Variants in KCNIP1 observed in about 807,000 individuals in gnomAD.
KCNIP1 encodes the protein potassium voltage-gated channel interacting protein 1, also known as A-type potassium channel modulatory protein KCNIP1.
Under a neutral mutation model 33.0 loss-of-function variants are expected in KCNIP1, and 18 were observed. The observed-to-expected ratio is 0.55, with a 90% CI of 0.38 to 0.81. KCNIP1 has a LOEUF of 0.81. Ranked by LOEUF, KCNIP1 falls within the 30% of genes least tolerant of loss-of-function variation. The pLI is 0.00. For missense variants in KCNIP1, 238 were observed against 271.6 expected, an observed-to-expected ratio of 0.88 and a Z score of 0.87; for synonymous variants, 93 against 98.3, an observed-to-expected ratio of 0.95 and a Z score of 0.32.
intron 1 of KCNIP1, among the ~76,000 whole-genome samples, chr5:170,445,033 T>A (rs185994878): frequency 1.5e-3 from 231 of 152,310 alleles, no homozygotes; most frequent in Non-Finnish European, 1.5e-3. Context: ...TATTAATCCA[T>A]TTTTTCAATT....
At chr5:170,536,696 CCT>C (rs1755997825) in intron 1 of KCNIP1, among the ~76,000 whole-genome samples, 1 of 152,164 alleles carries the variant, frequency 6.6e-6, no homozygotes, top group Non-Finnish European at 1.5e-5. Context: ...CCCTGGGCTG[CCT>C]CTCTGTGATT....
chr5:170,687,366 G>C (rs1762574957), intron 1 of KCNIP1, among the ~76,000 whole-genome samples: 1 of 152,074 alleles, frequency 6.6e-6, no homozygotes, highest in Non-Finnish European at 1.5e-5. Flanking sequence ...ATTTTTGGTA[G>C]AGACAGGGTT....
chr5:170,417,915 G>A (rs1034710315), intron 1 of KCNIP1, among the ~76,000 whole-genome samples: 5 of 152,124 alleles, frequency 3.3e-5, no homozygotes, highest in South Asian at 4.1e-4. Flanking sequence ...CCCACTAGAC[G>A]TCTTCGTTTG....
intron 1 of KCNIP1, among the ~76,000 whole-genome samples, chr5:170,594,183 C>G (rs1197596850): frequency 1.3e-5 from 2 of 152,174 alleles, no homozygotes; most frequent in African/African-American, 4.8e-5. Flanking sequence ...GGGTATGAAG[C>G]ACCGTAGGAG....
intron 1 of KCNIP1, among the ~76,000 whole-genome samples, chr5:170,461,417 A>AGT (rs1756497968): frequency 6.6e-6 from 1 of 152,194 alleles, no homozygotes; most frequent in Non-Finnish European, 1.5e-5. Flanking sequence ...ACTATACTAT[A>AGT]AGGCCATAGT....
At chr5:170,698,325 A>G (rs1297783696) in intron 1 of KCNIP1, among the ~76,000 whole-genome samples, 3 of 152,162 alleles carry the variant, frequency 2.0e-5, no homozygotes, top group African/African-American at 7.2e-5. Context: ...TGGGATCTTA[A>G]CCCAGTTCTA....
intron 1 of KCNIP1, among the ~76,000 whole-genome samples, chr5:170,381,966 C>T (rs3804244): frequency 0.17 from 25,386 of 152,068 alleles, 2,379 homozygotes; most frequent in South Asian, 0.28. Flanking sequence ...CCATCCTGCA[C>T]TGCCCAGACC....
At chr5:170,426,748 A>G (rs986559731) in intron 1 of KCNIP1, among the ~76,000 whole-genome samples, 1 of 152,270 alleles carries the variant, frequency 6.6e-6, no homozygotes, top group African/African-American at 2.4e-5. Context: ...TCACTGCAGC[A>G]GCCAAGAAAG....
chr5:170,689,555 A>G (rs754623583), intron 1 of KCNIP1, among the ~76,000 whole-genome samples: 2 of 152,232 alleles, frequency 1.3e-5, no homozygotes, highest in Non-Finnish European at 2.9e-5. Flanking sequence ...AACAGAAGAA[A>G]CCAGGACTAC....
At chr5:170,631,142 T>C (rs1195508612) in intron 1 of KCNIP1, among the ~76,000 whole-genome samples, 1 of 152,160 alleles carries the variant, frequency 6.6e-6, no homozygotes, top group Non-Finnish European at 1.5e-5. Context: ...CACAAAACAA[T>C]GGCTGCGAAA....
chr5:170,355,673 G>C (rs1263730134), intron 1 of KCNIP1, among the ~76,000 whole-genome samples: 1 of 152,222 alleles, frequency 6.6e-6, no homozygotes, highest in Non-Finnish European at 1.5e-5. Flanking sequence ...GAGAAGGTGG[G>C]AGGAAGCCGA....
chr5:170,508,066 G>A (rs939550119), intron 1 of KCNIP1, among the ~76,000 whole-genome samples: 4 of 152,190 alleles, frequency 2.6e-5, no homozygotes, highest in African/African-American at 9.7e-5. Flanking sequence ...TGCAGCTGCT[G>A]GGCTTGTCAG....
chr5:170,554,764 T>G (rs1481277705), intron 1 of KCNIP1, among the ~76,000 whole-genome samples: 1 of 152,178 alleles, frequency 6.6e-6, no homozygotes, highest in Non-Finnish European at 1.5e-5. Flanking sequence ...GTTTATCGGT[T>G]CTCTTCCTGT....
chr5:170,609,546 G>T (rs1028745625), intron 1 of KCNIP1, among the ~76,000 whole-genome samples: 1 of 151,942 alleles, frequency 6.6e-6, no homozygotes, highest in Non-Finnish European at 1.5e-5. Context: ...AATTTTTTTA[G>T]AGTACTAGTT....
chr5:170,504,773 G>C lies in KCNIP1; in HGVS notation c.61+140G>C, dbSNP rs1414202597. 1.4e-6 allele frequency: 1 copy of C among 730,724 alleles called. No individual in the cohort carries two copies. Among genetic ancestry groups the C allele is most frequent in the East Asian group, 2.7e-5 (1 of 37,372 alleles). 45.3% of individuals were successfully genotyped at this position (730,724 alleles called of 1,614,324 possible). A position where few individuals can be genotyped will look rare whatever the true frequency, so the allele number is the denominator to read the frequency against. On this transcript the variant is annotated intron_variant, in intron 1 of 7. Coordinates refer to ENST00000328939, the MANE Select transcript of KCNIP1 (RefSeq NM_014592.4). This position sits in a 1 kb window ranked among gnomAD's most constrained non-coding sequence, Gnocchi z 6.0. ...GACAGGTGCTTGTATCCAAAGGAGA[G>C]AGAAATCGGCGGGAGGGCTGGTGTG...
intron 1 of KCNIP1, among the ~76,000 whole-genome samples, chr5:170,592,243 T>A (rs111777263): frequency 6.6e-6 from 1 of 152,214 alleles, no homozygotes; most frequent in Non-Finnish European, 1.5e-5. Context: ...GTGCATCTTT[T>A]CATGTTCTTA....
Position 170,703,070 on chromosome 5 carries a change from A to ACACAC in KCNIP1, c.62-15687_62-15683dup, listed in dbSNP as rs1482842015. Among the ~76,000 whole-genome samples the ACACAC allele has an allele frequency of 9.4e-5, 13 of 137,866 alleles. 2 individuals are homozygous for ACACAC. Among genetic ancestry groups the ACACAC allele is most frequent in the African/African-American group, 3.5e-4 (13 of 37,582 alleles). 90.4% of individuals were successfully genotyped at this position (137,866 alleles called of 152,430 possible). ...AACCTATAGGTCTGTTCCATTCTCG[A>ACACAC]CACACGTGATATTAGCAGCACGGTA... On this transcript the variant is annotated intron_variant, in intron 1 of 7. Coordinates refer to ENST00000328939, the MANE Select transcript of KCNIP1 (RefSeq NM_014592.4).
chr5:170,561,126 A>T (rs1412595166), intron 1 of KCNIP1: 2 of 456,036 alleles, frequency 4.4e-6, no homozygotes, highest in Non-Finnish European at 8.8e-6. Context: ...GTGGGCAGTG[A>T]TAAAGGAGCT....
In KCNIP1 at chr5:170,504,763, C is replaced by A; in HGVS notation, c.61+130C>A. 1.3e-6 allele frequency: 1 copy of A among 768,366 alleles called. No individual in the cohort carries two copies. 47.6% of individuals were successfully genotyped at this position (768,366 alleles called of 1,614,324 possible). A position where few individuals can be genotyped will look rare whatever the true frequency, so the allele number is the denominator to read the frequency against. On this transcript the variant is annotated intron_variant, in intron 1 of 7. Transcript: ENST00000328939. The surrounding 1 kb of genome is among the most constrained non-coding windows in gnomAD (Gnocchi z 6.0). The stretch of plus-strand genomic sequence containing the variant: ...GAGGAGCCCGGACAGGTGCTTGTAT[C>A]CAAAGGAGAGAGAAATCGGCGGGAG...
Sources: gnomAD v4.1 joint callset for allele counts (sites outside exome capture counted in the v4.1 genomes callset) on GRCh38, gnomAD v4.1.1 for gene constraint, Gnocchi (gnomAD v3.1) non-coding constraint, MANE v1.5 for transcripts, NCBI Gene and HGNC (gene_info 2026-07-23, HGNC 2026-07-21) for gene names.